The following RELN variants were observed in gnomAD, a reference collection of about 807,000 sequenced individuals.
The protein encoded by RELN is reelin.
A neutral mutation model predicts 427.6 loss-of-function variants in RELN; 108 were observed. The ratio of observed to expected loss-of-function variants is 0.25; its 90% CI spans 0.22 to 0.30. The LOEUF is 0.30. RELN is among the 10% of genes least tolerant of loss of function. RELN has a pLI of 1.00. For synonymous variants in RELN, 1,524 were observed against 1,513.4 expected, an observed-to-expected ratio of 1.01 and a Z score of -0.16; for missense variants, 3,715 against 4,302.8, an observed-to-expected ratio of 0.86 and a Z score of 3.82.
intron 57 of RELN, among the ~76,000 whole-genome samples, chr7:103,492,652 A>G (rs1055895115): frequency 6.6e-6 from 1 of 152,240 alleles, no homozygotes; most frequent in Non-Finnish European, 1.5e-5. Context: ...CAGGCCATAC[A>G]GTCATGAATA....
intron 1 of RELN, among the ~76,000 whole-genome samples, chr7:103,943,893 C>T (rs1796166701): frequency 3.4e-5 from 5 of 147,402 alleles, no homozygotes; most frequent in Admixed American, 3.4e-4. Flanking sequence ...CTAGTTTCCC[C>T]ACAACATCCA....
At position 103,631,286 on chromosome 7, in the gene RELN, CTTTT is replaced by C. The variant is rs545808640; in HGVS notation, c.2466-1114_2466-1111del. ...CAGAAATAAAACTTTAAAAACACTT[CTTTT>C]TTTTTTTTTTTTTTTTTTTTTGAGA... On this transcript the variant is annotated intron_variant, in intron 19 of 64. Transcript: ENST00000428762. Among the ~76,000 whole-genome samples, 352 of 77,768 alleles carry C rather than the reference CTTTT, an allele frequency of 4.5e-3. 1 individual carries two copies. Among genetic ancestry groups the C allele is most frequent in the Admixed American group, 0.011 (53 of 4,996 alleles). 51.0% of individuals were successfully genotyped at this position (77,768 alleles called of 152,430 possible). A position where few individuals can be genotyped will look rare whatever the true frequency, so the allele number is the denominator to read the frequency against.
chr7:103,872,434 G>A (rs7805065), intron 2 of RELN, among the ~76,000 whole-genome samples: 86,400 of 123,646 alleles, frequency 0.7, 31,944 homozygotes, highest in South Asian at 0.74. Flanking sequence ...TGGTGTATAT[G>A]TGCCACATTT....
At chr7:103,714,590 T>G (rs1397687622) in intron 8 of RELN, among the ~76,000 whole-genome samples, 2 of 152,206 alleles carry the variant, frequency 1.3e-5, no homozygotes. Context: ...CTGGCTCTCA[T>G]GAAATACAGG....
chr7:103,920,040 A>C (rs1268295394), intron 1 of RELN, among the ~76,000 whole-genome samples: 1 of 152,194 alleles, frequency 6.6e-6, no homozygotes, highest in Non-Finnish European at 1.5e-5. Flanking sequence ...TCCATGAATC[A>C]TAGGATTATC....
At chr7:103,557,548 T>C (rs916558224) in intron 37 of RELN, among the ~76,000 whole-genome samples, 5 of 152,212 alleles carry the variant, frequency 3.3e-5, no homozygotes, top group Non-Finnish European at 7.3e-5. Flanking sequence ...AATCAATTTG[T>C]TCAGGAAAAT....
intron 4 of RELN, among the ~76,000 whole-genome samples, chr7:103,773,114 T>C (rs900830306): frequency 2.9e-5 from 2 of 68,504 alleles, no homozygotes; most frequent in Admixed American, 1.5e-4. Context: ...CTTTCTTTCT[T>C]TCTTTCTTTC....
chr7:103,472,959 G>C (rs772195377), intron 64 of RELN, 51 bp from the exon 65 acceptor site: 54 of 1,376,528 alleles, frequency 3.9e-5, no homozygotes, highest in Non-Finnish European at 5.4e-5. Flanking sequence ...AAAAGAGCAT[G>C]TAAGTCCCAT....
intron 1 of RELN, among the ~76,000 whole-genome samples, chr7:103,918,268 T>C (rs982499406): frequency 6.6e-6 from 1 of 152,102 alleles, no homozygotes; most frequent in Non-Finnish European, 1.5e-5. Flanking sequence ...CAAGAAATAA[T>C]AGCTAATATT....
rs1264669649 is a variant in RELN at position 103,824,937 on chromosome 7, C to A, written c.473+8600G>T. Among the ~76,000 whole-genome samples the A allele has an allele frequency of 6.6e-6, 1 of 151,764 alleles. No individual in the cohort carries two copies. The highest frequency in any genetic ancestry group is 1.9e-4 in the East Asian group (1 of 5,168). On this transcript the variant is annotated intron_variant, in intron 3 of 64. Coordinates refer to ENST00000428762, the MANE Select transcript of RELN (RefSeq NM_005045.4). This position sits in a 1 kb window ranked among gnomAD's most constrained non-coding sequence, Gnocchi z 4.4. ...GTGGTTTAAAGAACACGTTTTGGAT[C>A]AAAACACACCTGTCTTTGCGAGTTT... is the stretch of plus-strand genomic sequence containing the variant.
intron 2 of RELN, among the ~76,000 whole-genome samples, chr7:103,898,684 T>G (rs1253757293): frequency 6.6e-6 from 1 of 152,076 alleles, no homozygotes; most frequent in Non-Finnish European, 1.5e-5. Flanking sequence ...AGCAGTAAGT[T>G]GAATATTTTG....
At chr7:103,817,937 C>CAAAAAAAAAAAAAAAAAAAAAAA in intron 3 of RELN, among the ~76,000 whole-genome samples, 1 of 36,016 alleles carries the variant, frequency 2.8e-5, no homozygotes, top group Non-Finnish European at 4.4e-5. Context: ...GACTCCATCT[C>CAAAAAAAAAAAAAAAAAAAAAAA]AAAAAAAAAA....
Position 103,833,609 on chromosome 7 carries a change from C to T in RELN, c.401G>A (p.Ser134Asn). 2.5e-6 allele frequency: 4 copies of T among 1,613,798 alleles called. No individual in the cohort carries two copies. The highest frequency in any genetic ancestry group is 3.4e-6 in the Non-Finnish European group (4 of 1,179,712). Residue 134 changes from serine to asparagine, a missense_variant, in exon 3 of 65, where the codon AGT (serine) becomes AAT (asparagine). This residue lies in a region of RELN where 2,208 missense variants were observed against 2,361.7 expected (regional missense o/e 0.93). Coordinates refer to ENST00000428762, the MANE Select transcript of RELN (RefSeq NM_005045.4). Reference sequence around the variant, plus strand: ...ACTGAGGTTGGTTGTGGGCAGGTGACTCACGTGAGAGGCTACCACACTGCA... The same window carrying T: ...ACTGAGGTTGGTTGTGGGCAGGTGATTCACGTGAGAGGCTACCACACTGCA... ...FMCSVVASHV[S>N]HLPTTNLSFI...
chr7:103,636,288 G>A lies in RELN; in HGVS notation c.2250C>T (p.Asn750=). The A allele has an allele frequency of 1.2e-6, 2 of 1,614,008 alleles. No homozygotes were observed. Among genetic ancestry groups the A allele is most frequent in the Non-Finnish European group, 1.7e-6 (2 of 1,179,970 alleles). Residue 750 remains asparagine, a synonymous_variant, in exon 18 of 65, where the codon AAC becomes AAT. Coordinates refer to ENST00000428762, the MANE Select transcript of RELN (RefSeq NM_005045.4). ...TAATTAGCTGACGCCGCCCATCTTT[G>A]TTGAAAACCAGGGCCTTACCACTGG... ...VLASGKALVF[N]KDGRRQLITS...
chr7:103,897,446 T>G (rs959832924), intron 2 of RELN, among the ~76,000 whole-genome samples: 6 of 152,070 alleles, frequency 3.9e-5, no homozygotes, highest in African/African-American at 1.4e-4. Context: ...TGCTCACATG[T>G]GTATTTATGT....
chr7:103,503,253 C>G (rs185322698), intron 51 of RELN, 23 bp from the exon 52 acceptor site: 1 of 1,605,000 alleles, frequency 6.2e-7, no homozygotes, highest in East Asian at 2.2e-5. Context: ...AAAACAAGAT[C>G]AAGGTATTAA....
intron 2 of RELN, among the ~76,000 whole-genome samples, chr7:103,861,800 G>A (rs1272107808): frequency 2.0e-5 from 3 of 152,110 alleles, no homozygotes. Context: ...TAGAAGATGA[G>A]GAAGTGAAAT....
intron 46 of RELN, among the ~76,000 whole-genome samples, chr7:103,532,826 A>G (rs1829970665): frequency 6.6e-6 from 1 of 152,134 alleles, no homozygotes; most frequent in Non-Finnish European, 1.5e-5. Flanking sequence ...TCACCCTACG[A>G]TACAGAAACT....
intron 2 of RELN, among the ~76,000 whole-genome samples, chr7:103,911,784 C>G (rs915349446): frequency 7.8e-6 from 1 of 128,442 alleles, no homozygotes; most frequent in Admixed American, 9.1e-5. Context: ...TATTCTCACT[C>G]ATAGGTGGGA....
Sources: allele counts gnomAD v4.1 joint callset (sites outside exome capture counted in the v4.1 genomes callset), GRCh38; gene constraint gnomAD v4.1.1; regional missense constraint gnomAD v4.1.1; non-coding constraint Gnocchi (gnomAD v3.1); transcripts MANE v1.5; gene names NCBI Gene and HGNC (gene_info 2026-07-23, HGNC 2026-07-21).